The following LRRIQ1 variants were observed in gnomAD, a reference collection of about 807,000 sequenced individuals.
The protein encoded by LRRIQ1 is leucine rich repeats and IQ motif containing 1.
LRRIQ1 carries 210 observed loss-of-function variants against 211.9 expected under a neutral mutation model. The ratio of observed to expected loss-of-function variants is 0.99; its 90% CI spans 0.89 to 1.11. LRRIQ1 has a LOEUF of 1.11. LRRIQ1 is among the 50% of genes most tolerant of loss of function. LRRIQ1 has a pLI of 0.00. For missense variants in LRRIQ1, 2,136 were observed against 1,939.5 expected, an observed-to-expected ratio of 1.10 and a Z score of -1.90; for synonymous variants, 699 against 650.1, an observed-to-expected ratio of 1.08 and a Z score of -1.14.
chr12:85,172,849 C>G (rs905691528), intron 24 of LRRIQ1, among the ~76,000 whole-genome samples: 1 of 152,008 alleles, frequency 6.6e-6, no homozygotes, highest in Non-Finnish European at 1.5e-5. Flanking sequence ...CAGCTCATAC[C>G]TGTAATCCCA....
downstream of LRRIQ1, among the ~76,000 whole-genome samples, chr12:85,247,335 TA>T (rs2137286931): frequency 6.6e-6 from 1 of 151,778 alleles, no homozygotes; most frequent in South Asian, 2.1e-4. Context: ...ATAAAGCTAT[TA>T]ATAAAATATT....
intron 11 of LRRIQ1, among the ~76,000 whole-genome samples, chr12:85,079,552 C>G (rs547559185): frequency 6.6e-6 from 1 of 152,098 alleles, no homozygotes; most frequent in South Asian, 2.1e-4. Context: ...TAAAATATGT[C>G]TACAAATTTT....
chr12:85,235,768 A>G (rs1455844827), intron 26 of LRRIQ1, among the ~76,000 whole-genome samples: 3 of 152,210 alleles, frequency 2.0e-5, no homozygotes, highest in East Asian at 1.9e-4. Context: ...TTGTACCCAA[A>G]TAAGTCTATA....
At chr12:85,137,742 A>T in intron 18 of LRRIQ1, 108 bp from the exon 19 acceptor site, 1 of 910,594 alleles carries the variant, frequency 1.1e-6, no homozygotes, top group Non-Finnish European at 1.6e-6. Context: ...TTATTGTGTC[A>T]TTAAACTTAG....
At chr12:85,148,385 G>A (rs185926392) in intron 19 of LRRIQ1, among the ~76,000 whole-genome samples, 12 of 151,948 alleles carry the variant, frequency 7.9e-5, no homozygotes, top group Admixed American at 5.9e-4. Context: ...CCGTTTATGA[G>A]TGAGAACATG....
chr12:85,193,150 T>C (rs959427500), intron 24 of LRRIQ1, among the ~76,000 whole-genome samples: 3 of 118,872 alleles, frequency 2.5e-5, no homozygotes, highest in African/African-American at 9.5e-5. Flanking sequence ...TGGGACCATA[T>C]ATTTATATAT....
At chr12:85,132,247 G>A (rs1888816238) in intron 18 of LRRIQ1, among the ~76,000 whole-genome samples, 1 of 151,930 alleles carries the variant, frequency 6.6e-6, no homozygotes, top group Non-Finnish European at 1.5e-5. Context: ...TTTAAAAAGG[G>A]AGGAAGGTAG....
chr12:85,137,242 A>G (rs762203262), intron 18 of LRRIQ1, among the ~76,000 whole-genome samples: 24 of 151,328 alleles, frequency 1.6e-4, no homozygotes, highest in Non-Finnish European at 2.7e-4. Flanking sequence ...ATGAGCATAA[A>G]TATATTCTTT....
chr12:85,200,828 C>G (rs11495256), intron 24 of LRRIQ1, among the ~76,000 whole-genome samples: 1 of 148,848 alleles, frequency 6.7e-6, no homozygotes, highest in Non-Finnish European at 1.5e-5. Context: ...ATTTTTTTTT[C>G]TTTTTTTTTG....
intron 15 of LRRIQ1, among the ~76,000 whole-genome samples, chr12:85,119,436 G>GT (rs1887815953): frequency 6.6e-6 from 1 of 152,092 alleles, no homozygotes; most frequent in Non-Finnish European, 1.5e-5. Context: ...TTGCTTCCAA[G>GT]TTTTGGCGAT....
At chr12:85,180,577 T>C (rs12319085) in intron 24 of LRRIQ1, among the ~76,000 whole-genome samples, 8,728 of 151,964 alleles carry the variant, frequency 0.057, 838 homozygotes, top group African/African-American at 0.2. Context: ...AGGGATATGA[T>C]TTTAATTAAC....
intron 24 of LRRIQ1, among the ~76,000 whole-genome samples, chr12:85,228,537 A>G (rs748169636): frequency 6.6e-6 from 1 of 152,190 alleles, no homozygotes; most frequent in Non-Finnish European, 1.5e-5. Context: ...TCCAGATTTT[A>G]CGCTTTCCAG....
intron 24 of LRRIQ1, among the ~76,000 whole-genome samples, chr12:85,199,080 T>C (rs1363722928): frequency 2.0e-5 from 3 of 152,180 alleles, no homozygotes; most frequent in Non-Finnish European, 4.4e-5. Flanking sequence ...ACTCCGTTGA[T>C]AGTTTATTTT....
chr12:85,250,968 T>TA (rs1895924060), intron 1 of LRRIQ1, among the ~76,000 whole-genome samples: 5 of 97,354 alleles, frequency 5.1e-5, no homozygotes, highest in African/African-American at 1.3e-4. Context: ...TATATTATAT[T>TA]ATATATATTA....
At chr12:85,208,206 A>AC in intron 24 of LRRIQ1, among the ~76,000 whole-genome samples, 1 of 152,178 alleles carries the variant, frequency 6.6e-6, no homozygotes. Flanking sequence ...CCATTGTCAA[A>AC]AAAAAAAGAA....
chr12:85,176,460 G>C (rs1891704976), intron 24 of LRRIQ1, among the ~76,000 whole-genome samples: 1 of 151,236 alleles, frequency 6.6e-6, no homozygotes, highest in South Asian at 2.1e-4. Context: ...GATGAAATTG[G>C]AAATCATCAT....
chr12:85,091,785 T>G (rs1033374947), intron 11 of LRRIQ1, among the ~76,000 whole-genome samples: 1 of 152,158 alleles, frequency 6.6e-6, no homozygotes, highest in Non-Finnish European at 1.5e-5. Flanking sequence ...TCTTAAAAAA[T>G]TTGTTAAATA....
chr12:85,107,396 T>A (rs1436223085), intron 15 of LRRIQ1, among the ~76,000 whole-genome samples: 3 of 152,172 alleles, frequency 2.0e-5, no homozygotes, highest in Non-Finnish European at 1.5e-5. Flanking sequence ...TTTATGGCTT[T>A]CATTGTTTCT....
chr12:85,202,278 G>A lies in LRRIQ1; in HGVS notation c.4823-27239G>A, dbSNP rs146662452. Among the ~76,000 whole-genome samples, 545 of 152,216 alleles carry A rather than the reference G, an allele frequency of 3.6e-3. 1 individual carries two copies. The highest frequency in any genetic ancestry group is 0.012 in the African/African-American group (518 of 41,534). On this transcript the variant is annotated intron_variant, in intron 24 of 26. Transcript: ENST00000393217. Reference sequence around the variant, plus strand: ...AATTTATATTCTGTTGTTTTGAGTGGAGTGTTCTGCAAATGTCTATTACAT... The same window carrying A: ...AATTTATATTCTGTTGTTTTGAGTGAAGTGTTCTGCAAATGTCTATTACAT...
Sources: allele counts gnomAD v4.1 joint callset (sites outside exome capture counted in the v4.1 genomes callset), GRCh38; gene constraint gnomAD v4.1.1; transcripts MANE v1.5; gene names NCBI Gene and HGNC (gene_info 2026-07-23, HGNC 2026-07-21).